ZNF385B: variants seen among roughly 807,000 people sequenced by gnomAD.
The protein encoded by ZNF385B is zinc finger protein 385B.
In ZNF385B, 23 loss-of-function variants were observed where a neutral mutation model predicts 39.2. The observed-to-expected ratio is 0.59, with a 90% CI of 0.42 to 0.83. The LOEUF is 0.83. Among genes scored for constraint, ZNF385B ranks in the 40% least tolerant of loss-of-function variants. ZNF385B has a pLI of 0.00. For synonymous variants in ZNF385B, 205 were observed against 222.6 expected, an observed-to-expected ratio of 0.92 and a Z score of 0.70; for missense variants, 552 against 598.9, an observed-to-expected ratio of 0.92 and a Z score of 0.82.
intron 3 of ZNF385B, among the ~76,000 whole-genome samples, chr2:179,688,689 G>A (rs748718964): frequency 2.6e-5 from 4 of 151,942 alleles, no homozygotes; most frequent in Non-Finnish European, 5.9e-5. Context: ...ACTTAATATC[G>A]ACCCTCTAGC....
At chr2:179,500,911 C>T (rs1434937774) in intron 5 of ZNF385B, among the ~76,000 whole-genome samples, 1 of 151,884 alleles carries the variant, frequency 6.6e-6, no homozygotes, top group African/African-American at 2.4e-5. Context: ...ATCAAATAAC[C>T]CAATCAAAAA....
chr2:179,576,270 A>G (rs1181591077), intron 3 of ZNF385B: 2 of 768,432 alleles, frequency 2.6e-6, no homozygotes, highest in Non-Finnish European at 3.2e-6. Flanking sequence ...CAACGTATCT[A>G]AAAATCAAAA....
intron 3 of ZNF385B, among the ~76,000 whole-genome samples, chr2:179,555,720 C>A (rs1221113818): frequency 6.7e-6 from 1 of 148,630 alleles, no homozygotes; most frequent in Non-Finnish European, 1.5e-5. Flanking sequence ...TGCTTCCTTG[C>A]TGAATTTAGG....
chr2:179,522,040 T>C (rs2058544887), intron 4 of ZNF385B, among the ~76,000 whole-genome samples: 1 of 152,196 alleles, frequency 6.6e-6, no homozygotes. Flanking sequence ...ATGATTTAGA[T>C]GATTTAGTTG....
intron 3 of ZNF385B, among the ~76,000 whole-genome samples, chr2:179,743,150 A>T (rs932190844): frequency 6.6e-6 from 1 of 152,050 alleles, no homozygotes; most frequent in Non-Finnish European, 1.5e-5. Context: ...TCAAAGAGAA[A>T]ATGTCAATGC....
At chr2:179,537,372 C>T (rs1466908564) in intron 4 of ZNF385B, among the ~76,000 whole-genome samples, 6 of 151,122 alleles carry the variant, frequency 4.0e-5, no homozygotes, top group African/African-American at 1.5e-4. Flanking sequence ...GTGAGGGACA[C>T]AATAGTGCAG....
chr2:179,466,921 A>AAG (rs2052090368), intron 6 of ZNF385B, among the ~76,000 whole-genome samples: 2 of 142,554 alleles, frequency 1.4e-5, no homozygotes, highest in African/African-American at 5.1e-5. Flanking sequence ...CTGTCAAAAA[A>AAG]AAAAAAAAAA....
intron 3 of ZNF385B, among the ~76,000 whole-genome samples, chr2:179,572,348 C>T (rs1011208367): frequency 1.3e-5 from 2 of 152,018 alleles, no homozygotes; most frequent in South Asian, 2.1e-4. Context: ...CTAACTGCCT[C>T]GTGAAGGGTT....
chr2:179,617,059 T>C (rs1408409295), intron 3 of ZNF385B, among the ~76,000 whole-genome samples: 1 of 152,220 alleles, frequency 6.6e-6, no homozygotes, highest in Non-Finnish European at 1.5e-5. Flanking sequence ...CATTTTTATT[T>C]GATCCCCAAA....
chr2:179,580,916 G>T (rs909218629), intron 3 of ZNF385B, among the ~76,000 whole-genome samples: 1 of 152,168 alleles, frequency 6.6e-6, no homozygotes, highest in Non-Finnish European at 1.5e-5. Context: ...CACATGAGGG[G>T]CTGACAACCT....
chr2:179,537,836 A>G (rs2059683802), intron 4 of ZNF385B, among the ~76,000 whole-genome samples: 1 of 152,176 alleles, frequency 6.6e-6, no homozygotes, highest in African/African-American at 2.4e-5. Context: ...TTTGTACAAA[A>G]TCTTTGTTAG....
intron 3 of ZNF385B, among the ~76,000 whole-genome samples, chr2:179,703,968 T>C (rs973298105): frequency 3.9e-5 from 6 of 152,352 alleles, no homozygotes; most frequent in African/African-American, 1.4e-4. Context: ...AATGACCTTT[T>C]CTGTCATGCT....
rs1166340577 is a variant in ZNF385B at position 179,634,993 on chromosome 2, A to AAAT, written c.299-90025_299-90024insATT. On this transcript the variant is annotated intron_variant, in intron 3 of 9. Coordinates refer to ENST00000410066, the MANE Select transcript of ZNF385B (RefSeq NM_152520.6). Reference sequence around the variant, plus strand: ...AAATACAAAAAAAAAAAAAAAAAAAATAGCCAGGCGTGGTGGCAGGTGCCT... The same window carrying AAAT: ...AAATACAAAAAAAAAAAAAAAAAAAAAATTAGCCAGGCGTGGTGGCAGGTGCCT... Among the ~76,000 whole-genome samples the AAAT allele has an allele frequency of 2.4e-3, 337 of 140,470 alleles. 6 individuals carry two copies. Among genetic ancestry groups the AAAT allele is most frequent in the African/African-American group, 7.8e-3 (295 of 37,730 alleles). 92.2% of individuals were successfully genotyped at this position (140,470 alleles called of 152,430 possible). A position where few individuals can be genotyped will look rare whatever the true frequency, so the allele number is the denominator to read the frequency against.
Position 179,846,068 on chromosome 2 carries a change from C to T in ZNF385B, c.-155+15033G>A, listed in dbSNP as rs534035112. 9.8e-5 allele frequency among the ~76,000 whole-genome samples: 15 copies of T among 152,286 alleles called. No individual in the cohort carries two copies. The East Asian group carries it at 1.9e-3, about 20-fold the overall frequency. On this transcript the variant is annotated intron_variant, in intron 1 of 9. Coordinates refer to ENST00000410066, the MANE Select transcript of ZNF385B (RefSeq NM_152520.6). ...CTTTTGGTTGGCTATGGAAAGTCAT[C>T]GCCTTGGAGGAGCTGATGACTTTTG...
intron 4 of ZNF385B, among the ~76,000 whole-genome samples, chr2:179,542,528 G>C (rs1051196526): frequency 2.6e-5 from 4 of 152,026 alleles, no homozygotes; most frequent in Non-Finnish European, 4.4e-5. Context: ...AAGATTAATT[G>C]CTGTGTACAA....
At chr2:179,635,136 C>T (rs1161059526) in intron 3 of ZNF385B, among the ~76,000 whole-genome samples, 3 of 149,664 alleles carry the variant, frequency 2.0e-5, no homozygotes, top group South Asian at 2.1e-4. Flanking sequence ...AGCGAAACTC[C>T]GTCTCAGAAA....
chr2:179,557,222 C>T (rs1449378375), intron 3 of ZNF385B, among the ~76,000 whole-genome samples: 1 of 149,190 alleles, frequency 6.7e-6, no homozygotes, highest in South Asian at 2.2e-4. Context: ...CAAAGATGTA[C>T]AAGAATCATA....
chr2:179,772,497 A>G lies in ZNF385B; in HGVS notation c.-154-1825T>C, dbSNP rs191419000. 4.6e-5 allele frequency among the ~76,000 whole-genome samples: 7 copies of G among 152,354 alleles called. No individual in the cohort carries two copies. In the East Asian group the frequency reaches 1.2e-3, roughly 25 times the overall value. On this transcript the variant is annotated intron_variant, in intron 1 of 9. Coordinates refer to ENST00000410066, the MANE Select transcript of ZNF385B (RefSeq NM_152520.6). ...GGGAAAAATAAGATCAGCTTCTGTT[A>G]ACAGCCACTTGCAACCAAAGTATAT...
At chr2:179,677,829 A>G (rs887134107) in intron 3 of ZNF385B, among the ~76,000 whole-genome samples, 1 of 152,074 alleles carries the variant, frequency 6.6e-6, no homozygotes, top group Non-Finnish European at 1.5e-5. Flanking sequence ...CTAAAACACC[A>G]TTTGAGATTT....
Sources: allele counts gnomAD v4.1 joint callset (sites outside exome capture counted in the v4.1 genomes callset), GRCh38; gene constraint gnomAD v4.1.1; transcripts MANE v1.5; gene names NCBI Gene and HGNC (gene_info 2026-07-23, HGNC 2026-07-21).